Variants in CCSER1 observed in about 807,000 individuals in gnomAD.
CCSER1 encodes the protein serine-rich coiled-coil domain-containing protein 1.
A neutral mutation model predicts 82.0 loss-of-function variants in CCSER1; 41 were observed. The ratio of observed to expected loss-of-function variants is 0.50; its 90% confidence interval spans 0.39 to 0.65. The LOEUF is 0.65. Among genes scored for constraint, CCSER1 ranks in the 30% least tolerant of loss-of-function variants. The pLI, the probability that CCSER1 is intolerant of heterozygous loss-of-function variation, is 0.00. For synonymous variants in CCSER1, 414 were observed against 383.9 expected, an observed-to-expected ratio of 1.08 and a Z score of -0.92; for missense variants, 1,119 against 1,064.2, an observed-to-expected ratio of 1.05 and a Z score of -0.72.
intron 1 of CCSER1, among the ~76,000 whole-genome samples, chr4:90,170,989 A>G (rs1731552253): frequency 6.6e-6 from 1 of 151,830 alleles, no homozygotes; most frequent in Non-Finnish European, 1.5e-5. Flanking sequence ...AAACAACTGA[A>G]AGAATATAAT....
intron 8 of CCSER1, among the ~76,000 whole-genome samples, chr4:90,845,973 T>A (rs1005136296): frequency 2.6e-5 from 4 of 151,548 alleles, no homozygotes; most frequent in Non-Finnish European, 4.4e-5. Context: ...AGATTTTTTT[T>A]ATGAGTGTTA....
At chr4:90,672,355 G>A (rs577495493) in intron 6 of CCSER1, among the ~76,000 whole-genome samples, 5 of 152,034 alleles carry the variant, frequency 3.3e-5, no homozygotes, top group Non-Finnish European at 7.4e-5. Context: ...TTATGTTATG[G>A]CTTCTTTCCT....
intron 10 of CCSER1, among the ~76,000 whole-genome samples, chr4:91,421,017 A>T (rs1187697034): frequency 6.6e-6 from 1 of 152,148 alleles, no homozygotes. Flanking sequence ...AACTTACAGA[A>T]GCAGAGCGTA....
intron 6 of CCSER1, among the ~76,000 whole-genome samples, chr4:90,705,058 A>T (rs1739044107): frequency 6.6e-6 from 1 of 152,180 alleles, no homozygotes; most frequent in African/African-American, 2.4e-5. Context: ...TTTGATTTTT[A>T]GAATTTTCAG....
intron 9 of CCSER1, among the ~76,000 whole-genome samples, chr4:91,066,835 G>A (rs1720864816): frequency 6.6e-6 from 1 of 152,142 alleles, no homozygotes. Flanking sequence ...TAAGCAGCAG[G>A]AGAAAGACCT....
At chr4:90,889,431 T>G (rs1313595283) in intron 8 of CCSER1, among the ~76,000 whole-genome samples, 1 of 152,206 alleles carries the variant, frequency 6.6e-6, no homozygotes, top group Non-Finnish European at 1.5e-5. Context: ...CTATTGTTTC[T>G]TCACAGCAGT....
At chr4:90,376,549 G>T (rs1436823155) in intron 3 of CCSER1, among the ~76,000 whole-genome samples, 3 of 152,148 alleles carry the variant, frequency 2.0e-5, no homozygotes, top group Non-Finnish European at 4.4e-5. Context: ...GTCCCTGATG[G>T]GTTGTAGGAT....
intron 4 of CCSER1, 87 bp downstream of exon 4, chr4:90,400,216 C>T (rs2153544502): frequency 1.7e-6 from 1 of 581,484 alleles, no homozygotes; most frequent in Non-Finnish European, 2.9e-6. Context: ...TTAAGGCTGC[C>T]TTCTATCTTT....
chr4:90,224,163 C>G (rs572098173), intron 1 of CCSER1, among the ~76,000 whole-genome samples: 3 of 152,142 alleles, frequency 2.0e-5, no homozygotes, highest in Non-Finnish European at 4.4e-5. Flanking sequence ...GTACAGAACC[C>G]AGCTAATCAA....
intron 3 of CCSER1, among the ~76,000 whole-genome samples, chr4:90,333,273 C>T (rs776758127): frequency 1.3e-5 from 2 of 152,102 alleles, no homozygotes; most frequent in African/African-American, 4.8e-5. Flanking sequence ...ATAGGGTGCT[C>T]TCTTGCCTAC....
intron 5 of CCSER1, among the ~76,000 whole-genome samples, chr4:90,593,685 TTGTA>T (rs1167318408): frequency 6.6e-6 from 1 of 152,010 alleles, no homozygotes; most frequent in Non-Finnish European, 1.5e-5. Context: ...TATATTATTG[TTGTA>T]TATTTTCCCT....
chr4:90,183,492 G>A (rs1578371406), intron 1 of CCSER1, among the ~76,000 whole-genome samples: 1 of 152,128 alleles, frequency 6.6e-6, no homozygotes, highest in East Asian at 1.9e-4. Flanking sequence ...TTTTGATATT[G>A]CTTACTTTCC....
intron 1 of CCSER1, among the ~76,000 whole-genome samples, chr4:90,265,299 T>G (rs951680394): frequency 6.6e-5 from 10 of 151,824 alleles, no homozygotes; most frequent in African/African-American, 2.4e-4. Context: ...ACTTTCATAT[T>G]TAGAATAAAA....
intron 1 of CCSER1, among the ~76,000 whole-genome samples, chr4:90,271,025 T>C (rs1025572894): frequency 9.2e-5 from 14 of 152,170 alleles, no homozygotes; most frequent in African/African-American, 2.9e-4. Context: ...TCCATGTTCA[T>C]GGATTGGAAA....
intron 7 of CCSER1, among the ~76,000 whole-genome samples, chr4:90,798,942 A>AT (rs1347614990): frequency 1.3e-5 from 2 of 152,136 alleles, no homozygotes; most frequent in African/African-American, 4.8e-5. Flanking sequence ...CAGCCAAAGC[A>AT]TTTTTTAGTG....
chr4:91,154,221 TC>T (rs1240072229), intron 10 of CCSER1, among the ~76,000 whole-genome samples: 1 of 151,890 alleles, frequency 6.6e-6, no homozygotes, highest in Non-Finnish European at 1.5e-5. Flanking sequence ...CAAACGCCCC[TC>T]CCCCAGCCTT....
chr4:90,691,228 C>T (rs562155301), intron 6 of CCSER1, among the ~76,000 whole-genome samples: 2 of 151,982 alleles, frequency 1.3e-5, no homozygotes, highest in African/African-American at 4.8e-5. Flanking sequence ...AGGGTTTATA[C>T]ATACAAACAT....
intron 7 of CCSER1, among the ~76,000 whole-genome samples, chr4:90,763,659 C>G (rs1472606746): frequency 6.6e-6 from 1 of 152,104 alleles, no homozygotes; most frequent in Non-Finnish European, 1.5e-5. Flanking sequence ...CAGTTCTGCC[C>G]ATTTCATGCC....
At chr4:90,630,998 A>G (rs1019316213) in intron 6 of CCSER1, among the ~76,000 whole-genome samples, 1 of 151,720 alleles carries the variant, frequency 6.6e-6, no homozygotes, top group Non-Finnish European at 1.5e-5. Context: ...GGTTCACGCC[A>G]TTCTCCTGCC....
Sources: gnomAD v4.1 joint callset for allele counts (sites outside exome capture counted in the v4.1 genomes callset) on GRCh38, gnomAD v4.1.1 for gene constraint, MANE v1.5 for transcripts, NCBI Gene and HGNC (gene_info 2026-07-23, HGNC 2026-07-21) for gene names.